DNAH14: variants seen among roughly 807,000 people sequenced by gnomAD.
DNAH14 encodes the protein dynein axonemal heavy chain 14, also known as axonemal beta dynein heavy chain 14.
A neutral mutation model predicts 520.9 loss-of-function variants in DNAH14; 478 were observed. That is an observed-to-expected ratio of 0.92 (90% CI 0.85 to 0.99). The LOEUF is 0.99. DNAH14 is among the 50% of genes least tolerant of loss of function. The probability of loss-of-function intolerance (pLI) is 0.00; values close to 1 mark genes in which losing one functional copy is unlikely to be tolerated. For missense variants in DNAH14, 4,831 were observed against 5,234.5 expected (o/e 0.92, Z 2.38); for synonymous variants, 1,581 against 1,757.2 (o/e 0.90, Z 2.51).
At chr1:224,952,995 C>A (rs2060273910) in intron 2 of DNAH14, 2 of 327,404 alleles carry the variant, frequency 6.1e-6, no homozygotes, top group Non-Finnish European at 1.1e-5. Context: ...CCAGACCAAC[C>A]TTGGATATGC....
intron 43 of DNAH14, among the ~76,000 whole-genome samples, chr1:225,241,762 A>C (rs1397460738): frequency 1.3e-5 from 2 of 152,202 alleles, no homozygotes; most frequent in African/African-American, 4.8e-5. Flanking sequence ...TAAAAGATTT[A>C]AAATATGGTA....
intron 56 of DNAH14, among the ~76,000 whole-genome samples, chr1:225,301,630 A>G (rs1232572141): frequency 1.3e-5 from 2 of 152,176 alleles, no homozygotes; most frequent in African/African-American, 4.8e-5. Context: ...ATATATGGAC[A>G]TGATTACCCA....
chr1:225,096,540 G>T (rs2074992298), intron 21 of DNAH14, among the ~76,000 whole-genome samples: 1 of 151,918 alleles, frequency 6.6e-6, no homozygotes, highest in East Asian at 1.9e-4. Context: ...ATAGCAGTTG[G>T]AAAAAGACAT....
intron 73 of DNAH14, chr1:225,357,735 A>G: frequency 1.4e-6 from 1 of 693,400 alleles, no homozygotes; most frequent in Non-Finnish European, 2.6e-6. Context: ...AAAAATGGCA[A>G]CTTCCCATGG....
intron 37 of DNAH14, among the ~76,000 whole-genome samples, chr1:225,189,369 C>G (rs2085125377): frequency 1.3e-5 from 2 of 150,796 alleles, no homozygotes; most frequent in East Asian, 3.9e-4. Context: ...GTAATGCTGA[C>G]CTCATAGAAT....
At chr1:224,959,130 A>C (rs907723718) in intron 3 of DNAH14, among the ~76,000 whole-genome samples, 2 of 152,116 alleles carry the variant, frequency 1.3e-5, no homozygotes, top group Non-Finnish European at 2.9e-5. Flanking sequence ...TAGAGAGGTC[A>C]GAGAAATTCT....
chr1:224,951,672 A>G (rs968339406), intron 1 of DNAH14, among the ~76,000 whole-genome samples: 1 of 113,624 alleles, frequency 8.8e-6, no homozygotes. Context: ...TTTTTTTGAG[A>G]CGGAGTCTCG....
At chr1:225,087,462 C>T (rs912410461) in intron 21 of DNAH14, among the ~76,000 whole-genome samples, 4 of 152,226 alleles carry the variant, frequency 2.6e-5, no homozygotes, top group Admixed American at 2.6e-4. Flanking sequence ...ACAGCACCGG[C>T]TTGCCTGAAG....
At chr1:225,228,976 C>CT (rs1382226522) in intron 41 of DNAH14, among the ~76,000 whole-genome samples, 3 of 152,196 alleles carry the variant, frequency 2.0e-5, no homozygotes, top group African/African-American at 7.2e-5. Flanking sequence ...AGCTTGTTTA[C>CT]TCATGTTGTC....
chr1:225,356,064 T>C (rs1010759226), intron 73 of DNAH14, among the ~76,000 whole-genome samples: 5 of 152,222 alleles, frequency 3.3e-5, no homozygotes, highest in African/African-American at 1.2e-4. Flanking sequence ...TATCCCATTG[T>C]GTGTATATAT....
At chr1:225,202,953 T>C (rs944861125) in intron 38 of DNAH14, among the ~76,000 whole-genome samples, 2 of 152,210 alleles carry the variant, frequency 1.3e-5, no homozygotes, top group Admixed American at 1.3e-4. Context: ...AGATCTTCTT[T>C]CATGATCTAG....
chr1:225,056,398 T>C (rs544681266), intron 17 of DNAH14, among the ~76,000 whole-genome samples: 168 of 152,324 alleles, frequency 1.1e-3, no homozygotes, highest in African/African-American at 3.8e-3. Context: ...GCTTGTAAAT[T>C]TGTTTGAGTT....
chr1:224,991,750 A>G (rs1289662127), intron 8 of DNAH14, among the ~76,000 whole-genome samples: 1 of 152,114 alleles, frequency 6.6e-6, no homozygotes, highest in Non-Finnish European at 1.5e-5. Context: ...ATGGCTGCAT[A>G]GTATTCCATG....
At chr1:225,108,242 G>T (rs1156786881) in intron 23 of DNAH14, among the ~76,000 whole-genome samples, 1 of 152,176 alleles carries the variant, frequency 6.6e-6, no homozygotes, top group African/African-American at 2.4e-5. Flanking sequence ...TACACCAGTG[G>T]TTTGCCAGGG....
chr1:225,394,728 C>T (rs1412402687), intron 84 of DNAH14, among the ~76,000 whole-genome samples: 2 of 151,972 alleles, frequency 1.3e-5, no homozygotes, highest in East Asian at 3.9e-4. Flanking sequence ...TGTGTAATCC[C>T]AGCTACTTGG....
At chr1:225,204,478 A>T (rs1490173388) in intron 39 of DNAH14, among the ~76,000 whole-genome samples, 1 of 152,198 alleles carries the variant, frequency 6.6e-6, no homozygotes, top group Non-Finnish European at 1.5e-5. Flanking sequence ...TAATTACATT[A>T]TATAAGCACT....
At chr1:225,051,305 A>G (rs779647058) in intron 16 of DNAH14, 146 bp from the exon 17 acceptor site, 18 of 567,698 alleles carry the variant, frequency 3.2e-5, no homozygotes, top group Middle Eastern at 4.9e-4. Flanking sequence ...TGTGTTTCCA[A>G]CATATTTCGA....
intron 11 of DNAH14, 145 bp downstream of exon 11, chr1:225,024,010 CAG>C: frequency 7.3e-7 from 1 of 1,377,982 alleles, no homozygotes; most frequent in Non-Finnish European, 9.3e-7. Flanking sequence ...TTGCTATTAA[CAG>C]AACTTATTAT....
intron 84 of DNAH14, chr1:225,397,259 G>A (rs1436832405): frequency 1.3e-5 from 2 of 152,342 alleles, no homozygotes; most frequent in African/African-American, 4.8e-5. Context: ...TTACAGGCGT[G>A]AGCCACTGCG....
Sources: gnomAD v4.1 joint callset for allele counts (sites outside exome capture counted in the v4.1 genomes callset) on GRCh38, gnomAD v4.1.1 for gene constraint, MANE v1.5 for transcripts, NCBI Gene and HGNC (gene_info 2026-07-23, HGNC 2026-07-21) for gene names.